ERC1: variants seen among roughly 807,000 people sequenced by gnomAD.
ERC1 encodes the protein RAB6 interacting protein 2.
In ERC1, 56 loss-of-function variants were observed where a neutral mutation model predicts 132.0. That is an observed-to-expected ratio of 0.42 (90% CI 0.34 to 0.53). The LOEUF is 0.53. Among genes scored for constraint, ERC1 ranks in the 20% least tolerant of loss-of-function variants. The pLI, the probability that ERC1 is intolerant of heterozygous loss-of-function variation, is 0.03. For missense variants in ERC1, 1,202 were observed against 1,349.9 expected, an observed-to-expected ratio of 0.89 and a Z score of 1.72; for synonymous variants, 478 against 476.1, an observed-to-expected ratio of 1.00 and a Z score of -0.05.
chr12:1,202,223 G>A (rs1956977856), intron 12 of ERC1, among the ~76,000 whole-genome samples: 1 of 152,146 alleles, frequency 6.6e-6, no homozygotes, highest in Admixed American at 6.5e-5. Flanking sequence ...TTTCCTGTGG[G>A]CACAGCACCT....
intron 17 of ERC1, among the ~76,000 whole-genome samples, chr12:1,437,367 C>A (rs2092978029): frequency 6.6e-6 from 1 of 152,220 alleles, no homozygotes; most frequent in Admixed American, 6.5e-5. Flanking sequence ...GTTCACCCAC[C>A]TGGTGGTGAA....
At chr12:1,386,448 G>C (rs1459943091) in intron 16 of ERC1, 1 of 148,248 alleles carries the variant, frequency 6.7e-6, no homozygotes, top group African/African-American at 2.5e-5. Context: ...AAGAGTTTGA[G>C]ACCAGCCTGG....
intron 1 of ERC1, among the ~76,000 whole-genome samples, chr12:1,012,940 G>A (rs534233599): frequency 6.6e-6 from 1 of 152,208 alleles, no homozygotes; most frequent in African/African-American, 2.4e-5. Context: ...CCCAGTCCAG[G>A]TCTGGTTTTA....
chr12:1,234,899 G>A (rs1480097738), intron 12 of ERC1, among the ~76,000 whole-genome samples: 2 of 152,160 alleles, frequency 1.3e-5, no homozygotes, highest in Non-Finnish European at 2.9e-5. Flanking sequence ...ATGGAAGTAT[G>A]TTTTTACCTC....
At chr12:1,459,940 C>T (rs138997295) in intron 18 of ERC1, among the ~76,000 whole-genome samples, 5 of 152,070 alleles carry the variant, frequency 3.3e-5, no homozygotes, top group African/African-American at 7.2e-5. Context: ...ATACAGATAA[C>T]GATACAGATA....
intron 2 of ERC1, among the ~76,000 whole-genome samples, chr12:1,066,458 C>T (rs1309251792): frequency 1.3e-5 from 2 of 152,156 alleles, no homozygotes; most frequent in Admixed American, 6.5e-5. Context: ...AGGGGGCACC[C>T]ATGGTACTTA....
chr12:1,100,658 C>T (rs1367592814), intron 3 of ERC1, among the ~76,000 whole-genome samples: 1 of 152,142 alleles, frequency 6.6e-6, no homozygotes, highest in East Asian at 1.9e-4. Flanking sequence ...GCTTGAACAA[C>T]TGGCTGGATG....
intron 13 of ERC1, chr12:1,244,557 T>C (rs2076042867): frequency 2.2e-6 from 1 of 452,766 alleles, no homozygotes. Context: ...GGTCTTGCTC[T>C]ATGACCCAGG....
intron 14 of ERC1, among the ~76,000 whole-genome samples, chr12:1,288,647 G>A (rs1240604549): frequency 6.6e-6 from 1 of 152,164 alleles, no homozygotes; most frequent in African/African-American, 2.4e-5. Context: ...GCTGATTTTT[G>A]ACTCTAGGTT....
At chr12:1,112,100 T>G in intron 5 of ERC1, 115 bp from the exon 6 acceptor site, 2 of 682,204 alleles carry the variant, frequency 2.9e-6, no homozygotes, top group Non-Finnish European at 2.6e-6. Flanking sequence ...GGGGAACAGA[T>G]TTGATTGTAT....
At chr12:1,442,976 C>T (rs1023551131) in intron 17 of ERC1, among the ~76,000 whole-genome samples, 1 of 151,068 alleles carries the variant, frequency 6.6e-6, no homozygotes, top group African/African-American at 2.4e-5. Flanking sequence ...GGTGTGATCT[C>T]GGCTCACTGC....
intron 1 of ERC1, among the ~76,000 whole-genome samples, chr12:1,017,740 C>T (rs1424262680): frequency 6.6e-6 from 1 of 152,090 alleles, no homozygotes; most frequent in Non-Finnish European, 1.5e-5. Context: ...CTCAGGTGAT[C>T]TGCCCGCCTC....
chr12:1,012,362 G>A (rs1275093655), intron 1 of ERC1, among the ~76,000 whole-genome samples: 1 of 151,844 alleles, frequency 6.6e-6, no homozygotes, highest in Non-Finnish European at 1.5e-5. Context: ...TAATATCTGT[G>A]TATCTACCAC....
chr12:1,305,698 C>T (rs1207167300), intron 15 of ERC1, among the ~76,000 whole-genome samples: 1 of 152,140 alleles, frequency 6.6e-6, no homozygotes, highest in Non-Finnish European at 1.5e-5. Context: ...ATCACAAGTA[C>T]AAGTTCCAAT....
rs556965628 is a variant in ERC1, at chr12:1,155,506, C to T, written c.1737+13719C>T. Among the ~76,000 whole-genome samples the T allele has an allele frequency of 4.1e-3, 617 of 151,454 alleles. 3 individuals carry two copies. Among genetic ancestry groups the T allele is most frequent in the African/African-American group, 0.014 (586 of 41,310 alleles). ...CTTTTTTTTTTTTGAGACGGAGTCT[C>T]GCTCTGTCGCCCAGGCTGGATTGCA... On this transcript the variant is annotated intron_variant, in intron 8 of 18. Transcript: ENST00000360905.
chr12:1,485,472 G>A (rs1205749902), intron 18 of ERC1, among the ~76,000 whole-genome samples: 2 of 152,026 alleles, frequency 1.3e-5, no homozygotes, highest in Non-Finnish European at 2.9e-5. Flanking sequence ...TAAAGTGCTG[G>A]GATTACAGGC....
chr12:1,327,226 T>G (rs1474939664), intron 15 of ERC1, among the ~76,000 whole-genome samples: 3 of 149,508 alleles, frequency 2.0e-5, no homozygotes, highest in Non-Finnish European at 1.5e-5. Flanking sequence ...TACTAGACAT[T>G]TCTATTAAAG....
chr12:998,438 G>A (rs1234323693), intron 1 of ERC1: 3 of 152,202 alleles, frequency 2.0e-5, no homozygotes, highest in South Asian at 2.1e-4. Context: ...TCACTCATGC[G>A]GCAATTGGCA....
chr12:1,252,679 C>G (rs1488881625), intron 13 of ERC1, among the ~76,000 whole-genome samples: 1 of 152,118 alleles, frequency 6.6e-6, no homozygotes, highest in East Asian at 1.9e-4. Context: ...TGAGGGGAGA[C>G]ATTTGAGGTG....
Sources: gnomAD v4.1 joint callset for allele counts (sites outside exome capture counted in the v4.1 genomes callset) on GRCh38, gnomAD v4.1.1 for gene constraint, MANE v1.5 for transcripts, NCBI Gene and HGNC (gene_info 2026-07-23, HGNC 2026-07-21) for gene names.